KLF17: variants seen among roughly 807,000 people sequenced by gnomAD.
KLF17 encodes KLF transcription factor 17.
Under a neutral mutation model 34.2 loss-of-function variants are expected in KLF17, and 31 were observed. The ratio of observed to expected loss-of-function variants is 0.91; its 90% confidence interval spans 0.68 to 1.22. KLF17 has a LOEUF of 1.22. Ranked by LOEUF, KLF17 falls within the 50% of genes most tolerant of loss-of-function variation. The probability of loss-of-function intolerance (pLI) is 0.00; values close to 1 mark genes in which losing one functional copy is unlikely to be tolerated. For missense variants in KLF17, 478 were observed against 505.2 expected (o/e 0.95, Z 0.52); for synonymous variants, 179 against 186.7 (o/e 0.96, Z 0.34).
intron 1 of KLF17, among the ~76,000 whole-genome samples, chr1:44,127,662 C>CTT (rs879348643): frequency 0.1 from 4,633 of 44,902 alleles, 232 homozygotes; most frequent in Non-Finnish European, 0.14. Context: ...TTCTTTCTTT[C>CTT]TTTCTTTCTT....
the KLF17 span, among the ~76,000 whole-genome samples, chr1:44,096,447 G>T: frequency 6.9e-6 from 1 of 145,578 alleles, no homozygotes; most frequent in African/African-American, 2.5e-5. Context: ...CGCCCAGGCT[G>T]GAGTGCAGTG....
At chr1:44,091,511 C>T in the KLF17 span, among the ~76,000 whole-genome samples, 1 of 151,626 alleles carries the variant, frequency 6.6e-6, no homozygotes, top group Non-Finnish European at 1.5e-5. Flanking sequence ...TGAGAATTAG[C>T]CAGGCATGGT....
At chr1:44,127,692 T>TTCTTTCTATTTC (rs753421834) in intron 1 of KLF17, among the ~76,000 whole-genome samples, 1 of 90,136 alleles carries the variant, frequency 1.1e-5, no homozygotes, top group African/African-American at 5.5e-5. Flanking sequence ...CTTTCTTTCT[T>TTCTTTCTATTTC]TTTCTTTCTT....
At chr1:44,127,323 C>T (rs1298242766) in intron 1 of KLF17, among the ~76,000 whole-genome samples, 1 of 152,192 alleles carries the variant, frequency 6.6e-6, no homozygotes, top group Non-Finnish European at 1.5e-5. Context: ...ACCTGTGAAA[C>T]TGTCACTCAG....
the KLF17 span, among the ~76,000 whole-genome samples, chr1:44,058,284 T>TTTTTTG: frequency 8.5e-5 from 13 of 152,264 alleles, 1 homozygote; most frequent in Middle Eastern, 6.8e-3. Flanking sequence ...CCATCGCCTT[T>TTTTTTG]TTTTTGTTTT....
Position 44,118,861 on chromosome 1 carries a change from T to G in KLF17, c.-47T>G. 1 of 1,477,884 alleles carries G rather than the reference T, an allele frequency of 6.8e-7. No individual in the cohort carries two copies. Among genetic ancestry groups the G allele is most frequent in the Non-Finnish European group, 9.2e-7 (1 of 1,091,686 alleles). 91.5% of individuals were successfully genotyped at this position (1,477,884 alleles called of 1,614,324 possible). A position where few individuals can be genotyped will look rare whatever the true frequency, so the allele number is the denominator to read the frequency against. ...TACCCGCCTGCGACGCCGTGGTGGCTGGTTCCCTGTCTCTTCAGTAGAGAG... is the reference window on the plus strand; with the variant it reads ...TACCCGCCTGCGACGCCGTGGTGGCGGGTTCCCTGTCTCTTCAGTAGAGAG... On this transcript the variant is annotated 5_prime_UTR_variant, in exon 1 of 4. Transcript: ENST00000372299.
At chr1:44,081,879 G>A in the KLF17 span, among the ~76,000 whole-genome samples, 1 of 152,020 alleles carries the variant, frequency 6.6e-6, no homozygotes, top group East Asian at 1.9e-4. Context: ...TTAAAGAAGA[G>A]CTTTTCAAAA....
At chr1:44,081,916 C>T in the KLF17 span, among the ~76,000 whole-genome samples, 1 of 152,096 alleles carries the variant, frequency 6.6e-6, no homozygotes, top group South Asian at 2.1e-4. Flanking sequence ...CCGCTAGTGG[C>T]AGAAGTCTTT....
At chr1:44,111,260 C>T in the KLF17 span, among the ~76,000 whole-genome samples, 1 of 152,008 alleles carries the variant, frequency 6.6e-6, no homozygotes, top group Non-Finnish European at 1.5e-5. Context: ...TCTCCTAAAA[C>T]ACTGGGATTA....
At chr1:44,044,238 C>T in the KLF17 span, among the ~76,000 whole-genome samples, 1 of 152,216 alleles carries the variant, frequency 6.6e-6, no homozygotes, top group Non-Finnish European at 1.5e-5. Flanking sequence ...TAATGGGTCA[C>T]ACAAGTCTCA....
rs1372408383 is a variant in KLF17 at position 44,129,952 on chromosome 1, C to T, written c.681C>T (p.Ser227=). The stretch of plus-strand genomic sequence containing the variant: ...ACCTTGGGATGCCCCCAGCTGAGTC[C>T]CAGTCATTGCTGGTTTTAGGATCTC... ...AHDLGMPPAE[S]QSLLVLGSQD... The change falls in exon 2 of 4, where the codon TCC becomes TCT. Residue 227 remains serine, a synonymous_variant. Transcript: ENST00000372299. 4 of 1,614,052 alleles carry T rather than the reference C, an allele frequency of 2.5e-6. No homozygotes were observed. Among genetic ancestry groups the T allele is most frequent in the Admixed American group, 1.7e-5 (1 of 59,996 alleles).
At chr1:44,049,326 C>A in the KLF17 span, among the ~76,000 whole-genome samples, 2 of 152,168 alleles carry the variant, frequency 1.3e-5, no homozygotes, top group African/African-American at 2.4e-5. Flanking sequence ...GGGCACACAA[C>A]ATTTAGTTCA....
chr1:44,102,032 G>C, the KLF17 span, among the ~76,000 whole-genome samples: 1 of 148,900 alleles, frequency 6.7e-6, no homozygotes, highest in African/African-American at 2.4e-5. Flanking sequence ...GCAATAGATT[G>C]AGACCCTGTC....
chr1:44,064,000 G>A, the KLF17 span, among the ~76,000 whole-genome samples: 5 of 152,166 alleles, frequency 3.3e-5, no homozygotes, highest in African/African-American at 1.2e-4. Context: ...GGTCAGCAGG[G>A]CAGTGCGGGG....
In KLF17 at chr1:44,130,563, G is replaced by A. The variant is rs771825513; in HGVS notation, c.977G>A (p.Arg326His). The A allele has an allele frequency of 3.4e-5, 55 of 1,613,942 alleles. No homozygotes were observed. Among genetic ancestry groups the A allele is most frequent in the African/African-American group, 1.2e-4 (9 of 74,866 alleles). Residue 326 changes from arginine (R) to histidine (H), a missense_variant, in exon 3 of 4, where the codon CGT becomes CAT. By Grantham distance (29) the Arg-to-His change is conservative. Transcript: ENST00000372299. ...GAAAGTTGTTCATGGTCTTTCTTCC[G>A]TTCTGATGAGCTTAGACGACATATG... ...NWESCSWSFF[R>H]SDELRRHMRV...
the KLF17 span, among the ~76,000 whole-genome samples, chr1:44,109,279 A>G: frequency 6.6e-6 from 1 of 152,224 alleles, no homozygotes; most frequent in African/African-American, 2.4e-5. Context: ...GTTTATAGAG[A>G]CCAGTAAGAG....
the KLF17 span, among the ~76,000 whole-genome samples, chr1:44,108,635 T>A: frequency 6.9e-6 from 1 of 145,080 alleles, no homozygotes; most frequent in African/African-American, 2.5e-5. Context: ...AGGTGAGAGA[T>A]GACAGAGAAT....
the KLF17 span, among the ~76,000 whole-genome samples, chr1:44,096,706 T>C: frequency 2.4e-5 from 3 of 123,388 alleles, no homozygotes; most frequent in Non-Finnish European, 3.6e-5. Context: ...AGCCTACGGT[T>C]TTTAAAAAAA....
rs142760680 is a variant in KLF17 at position 44,129,646 on chromosome 1, G to T, written c.375G>T (p.Thr125=). The T allele has an allele frequency of 6.2e-7, 1 of 1,614,040 alleles. No homozygotes were observed. Among genetic ancestry groups the T allele is most frequent in the Non-Finnish European group, 8.5e-7 (1 of 1,180,028 alleles). The change falls in exon 2 of 4, where the codon ACG becomes ACT. Residue 125 remains threonine, a synonymous_variant. Coordinates refer to ENST00000372299, the MANE Select transcript of KLF17 (RefSeq NM_173484.4). ...QRMSPPQQEM[T]IFSGPQLMPV... ...TGTCTCCCCCTCAGCAAGAGATGAC[G>T]ATTTTCAGTGGGCCCCAACTAATGC...
Sources: gnomAD v4.1 joint callset for allele counts (sites outside exome capture counted in the v4.1 genomes callset) on GRCh38, gnomAD v4.1.1 for gene constraint, MANE v1.5 for transcripts, NCBI Gene and HGNC (gene_info 2026-07-23, HGNC 2026-07-21) for gene names.